ZFAND2A: variants seen among roughly 807,000 people sequenced by gnomAD.
ZFAND2A encodes zinc finger AN1-type containing 2A, also known as AN1-type zinc finger protein 2A.
Under a neutral mutation model 11.6 loss-of-function variants are expected in ZFAND2A, and 20 were observed. That is an observed-to-expected ratio of 1.72 (90% CI 1.21 to 2.50). The LOEUF (loss-of-function observed/expected upper bound fraction) is 2.50. ZFAND2A is among the 30% of genes most tolerant of loss of function. ZFAND2A has a pLI of 0.00. For missense variants in ZFAND2A, 234 were observed against 182.9 expected, an observed-to-expected ratio of 1.28 and a Z score of -1.61; for synonymous variants, 93 against 60.6, an observed-to-expected ratio of 1.54 and a Z score of -2.48.
chr7:1,152,233 C>A, downstream of ZFAND2A: 2 of 1,558,076 alleles, frequency 1.3e-6, no homozygotes, highest in South Asian at 1.2e-5. Flanking sequence ...GACGAAATTG[C>A]GTTCACATGA....
intron 2 of ZFAND2A, 117 bp downstream of exon 2, chr7:1,158,041 A>G: frequency 9.6e-7 from 1 of 1,040,788 alleles, no homozygotes; most frequent in Non-Finnish European, 1.5e-6. Context: ...GCACCAGCAC[A>G]GTTCCCAATA....
In ZFAND2A at chr7:1,155,488, C is replaced by A; in HGVS notation, c.247G>T (p.Asp83Tyr). 6.2e-7 allele frequency: 1 copy of A among 1,613,812 alleles called. No individual in the cohort carries two copies. The highest frequency in any genetic ancestry group is 8.5e-7 in the Non-Finnish European group (1 of 1,179,826). Reference sequence around the variant, plus strand: ...TTCTTCCCAGGGTGAGAGTCACAGTCTCTGTCAATGTGATCACCAACCACC... The same window carrying A: ...TTCTTCCCAGGGTGAGAGTCACAGTATCTGTCAATGTGATCACCAACCACC... The part of the protein sequence containing the change: ...DVVVGDHIDR[D>Y]CDSHPGKKKE... The change falls in exon 4 of 5, where the codon GAC (aspartate) becomes TAC (tyrosine). Residue 83 changes from aspartate (D) to tyrosine (Y), a missense_variant. Coordinates refer to ENST00000316495, the MANE Select transcript of ZFAND2A (RefSeq NM_182491.4).
At chr7:1,159,303 T>C (rs947969848) in intron 1 of ZFAND2A, among the ~76,000 whole-genome samples, 1 of 152,166 alleles carries the variant, frequency 6.6e-6, no homozygotes, top group Non-Finnish European at 1.5e-5. Flanking sequence ...ACAGCACCCG[T>C]CCTAGGAAAC....
At chr7:1,152,299 G>A (rs950736658), downstream of ZFAND2A, 1 of 1,585,818 alleles carries the variant, frequency 6.3e-7, no homozygotes, top group South Asian at 1.2e-5. Context: ...CCAGGGTGAG[G>A]AAATCTCCCA....
chr7:1,153,065 C>G lies in ZFAND2A; in HGVS notation c.*4G>C. ...GCTCCGAGCCATCGCAGCGGAGTCT[C>G]TTCTCACCCAGCTTTGATGGTGGGG... On this transcript the variant is annotated 3_prime_UTR_variant, in exon 5 of 5. Coordinates refer to ENST00000316495, the MANE Select transcript of ZFAND2A (RefSeq NM_182491.4). The G allele has an allele frequency of 6.2e-7, 1 of 1,614,166 alleles. No individual in the cohort carries two copies. The highest frequency in any genetic ancestry group is 1.1e-5 in the South Asian group (1 of 91,078).
At position 1,157,660 on chromosome 7, in the gene ZFAND2A, T is replaced by C. The variant is rs758642584; in HGVS notation, c.146A>G (p.Gln49Arg). ...TTTGAACAAAGGATCAATTACCTTC[T>C]GGAATGCAAACGGACACTTATGTGC... ...YAAHKCPFAF[Q>R]KDVHVPVCPL... Residue 49 changes from glutamine (Q) to arginine (R), a missense_variant, in exon 3 of 5, where the codon CAG (glutamine) becomes CGG (arginine). By Grantham distance (43) the Gln-to-Arg change is conservative (BLOSUM62 1). Coordinates refer to ENST00000316495, the MANE Select transcript of ZFAND2A (RefSeq NM_182491.4). The C allele has an allele frequency of 3.2e-6, 5 of 1,577,280 alleles. No individual in the cohort carries two copies. Among genetic ancestry groups the C allele is most frequent in the East Asian group, 2.3e-5 (1 of 43,112 alleles).
downstream of ZFAND2A, among the ~76,000 whole-genome samples, chr7:1,150,941 G>A (rs532797100): frequency 1.4e-5 from 2 of 148,124 alleles, no homozygotes; most frequent in East Asian, 2.0e-4. Context: ...AGGCTGGAGT[G>A]CAGTGGCACA....
chr7:1,150,594 G>A (rs957403686), downstream of ZFAND2A, among the ~76,000 whole-genome samples: 1 of 152,122 alleles, frequency 6.6e-6, no homozygotes, highest in African/African-American at 2.4e-5. Flanking sequence ...AGGCCACGAA[G>A]GCCGCATCTG....
chr7:1,152,355 G>A, downstream of ZFAND2A: 2 of 1,552,400 alleles, frequency 1.3e-6, no homozygotes, highest in Non-Finnish European at 1.7e-6. Flanking sequence ...CTACAGAGAG[G>A]GTGGATGGAT....
At chr7:1,149,962 C>T (rs1793368236), downstream of ZFAND2A, among the ~76,000 whole-genome samples, 1 of 151,700 alleles carries the variant, frequency 6.6e-6, no homozygotes, top group Non-Finnish European at 1.5e-5. Context: ...AAGCGATCCT[C>T]TTGCCTCAGC....
chr7:1,150,041 CAG>C (rs1308923731), downstream of ZFAND2A, among the ~76,000 whole-genome samples: 20 of 151,858 alleles, frequency 1.3e-4, no homozygotes, highest in Non-Finnish European at 2.9e-4. Flanking sequence ...TTAGTAGGGA[CAG>C]GGTTTCATCA....
At chr7:1,155,894 C>T (rs973889891) in intron 3 of ZFAND2A, among the ~76,000 whole-genome samples, 6 of 152,254 alleles carry the variant, frequency 3.9e-5, no homozygotes, top group African/African-American at 1.4e-4. Context: ...CAGACACCTC[C>T]ACAGGGAGGA....
chr7:1,157,914 G>C (rs1422085155), intron 2 of ZFAND2A, among the ~76,000 whole-genome samples, 164 bp from the exon 3 acceptor site: 1 of 152,142 alleles, frequency 6.6e-6, no homozygotes, highest in Admixed American at 6.5e-5. Context: ...CTGTCTTCTA[G>C]AGACCCCCTA....
Position 1,155,568 on chromosome 7 carries a change from A to C in ZFAND2A, c.167T>G (p.Val56Gly). 5 of 1,613,216 alleles carry C rather than the reference A, an allele frequency of 3.1e-6. No individual in the cohort carries two copies. Among genetic ancestry groups the C allele is most frequent in the Non-Finnish European group, 4.2e-6 (5 of 1,179,640 alleles). Residue 56 changes from valine to glycine, a missense_variant, in exon 4 of 5, where the codon GTA (valine) becomes GGA (glycine). Val to Gly is a moderately radical substitution (Grantham distance 109). Transcript: ENST00000316495. ...FAFQKDVHVP[V>G]CPLCNTPIPV... ...GATGGGGGTATTACAGAGTGGGCAT[A>C]CTGGGACGTGAACATCCTAAAAATA...
chr7:1,151,827 T>A (rs959816769), downstream of ZFAND2A, among the ~76,000 whole-genome samples: 10 of 138,102 alleles, frequency 7.2e-5, no homozygotes, highest in African/African-American at 2.8e-4. Context: ...GGCCCGGAGG[T>A]GCTGCTGGGC....
chr7:1,154,296 G>C (rs1312375335), intron 4 of ZFAND2A, among the ~76,000 whole-genome samples: 2 of 151,974 alleles, frequency 1.3e-5, no homozygotes, highest in African/African-American at 4.8e-5. Flanking sequence ...TCCAGCAGCC[G>C]GGGGTGGCCC....
chr7:1,153,488 C>A (rs1296936862), intron 4 of ZFAND2A, among the ~76,000 whole-genome samples: 2 of 152,194 alleles, frequency 1.3e-5, no homozygotes, highest in Non-Finnish European at 2.9e-5. Context: ...GTGATCCTCC[C>A]GCCTTGGCCT....
At chr7:1,158,068 G>T in intron 2 of ZFAND2A, 90 bp downstream of exon 2, 1 of 1,306,026 alleles carries the variant, frequency 7.7e-7, no homozygotes, top group Non-Finnish European at 1.1e-6. Context: ...AGCCAGGAAG[G>T]CCAAGACACA....
Position 1,158,403 on chromosome 7 carries a change from G to A in ZFAND2A, c.-45-146C>T, listed in dbSNP as rs752378645. On this transcript the variant is annotated intron_variant, in intron 1 of 4. Transcript: ENST00000316495. The stretch of plus-strand genomic sequence containing the variant: ...GTTTTAGTACAAATACCAGGTGTCC[G>A]CCATTCGTAGTCAACCCCATTAAGA... The A allele has an allele frequency of 4.0e-5, 23 of 572,792 alleles. 1 individual carries two copies. Among genetic ancestry groups the A allele is most frequent in the African/African-American group, 2.5e-4 (13 of 52,936 alleles). The allele number at this position is 572,792 out of a possible 1,614,324, so 35.5% of individuals were successfully genotyped here.
Sources: allele counts gnomAD v4.1 joint callset (sites outside exome capture counted in the v4.1 genomes callset), GRCh38; gene constraint gnomAD v4.1.1; transcripts MANE v1.5; gene names NCBI Gene and HGNC (gene_info 2026-07-23, HGNC 2026-07-21).